The following MIA2 variants were observed in gnomAD, a reference collection of about 807,000 sequenced individuals.
MIA2 encodes the protein melanoma inhibitory activity protein 2.
In MIA2, 127 loss-of-function variants were observed where a neutral mutation model predicts 167.8. That is an observed-to-expected ratio of 0.76 (90% confidence interval 0.66 to 0.88). The LOEUF (loss-of-function observed/expected upper bound fraction) is 0.88. MIA2 is among the 40% of genes least tolerant of loss of function. The pLI, the probability that MIA2 is intolerant of heterozygous loss-of-function variation, is 0.00. For missense variants in MIA2, 1,690 were observed against 1,624.7 expected (o/e 1.04, Z -0.69); for synonymous variants, 552 against 541.9 (o/e 1.02, Z -0.26).
At chr14:39,335,420 T>G (rs926619724) in intron 25 of MIA2, among the ~76,000 whole-genome samples, 4 of 152,214 alleles carry the variant, frequency 2.6e-5, no homozygotes, top group Non-Finnish European at 5.9e-5. Context: ...TTCCATTGAC[T>G]TAAGATGAGT....
rs1467975003 is a variant in MIA2 at position 39,387,155 on chromosome 14, A to G, written c.*203A>G. The stretch of plus-strand genomic sequence containing the variant: ...TTTCAAGCCTTATTGTTTAAGGAAT[A>G]CATTTTATAAGACTATAGCTACCAT... On this transcript the variant is annotated 3_prime_UTR_variant, in exon 24 of 24. Transcript: ENST00000341502. 5.8e-6 allele frequency: 3 copies of G among 521,558 alleles called. No individual in the cohort carries two copies. The Admixed American group carries it at 1.1e-4, about 19-fold the overall frequency. The allele number at this position is 521,558 out of a possible 1,614,324, so 32.3% of individuals were successfully genotyped here. A position where few individuals can be genotyped will look rare whatever the true frequency, so the allele number is the denominator to read the frequency against.
chr14:39,252,412 C>T (rs1666195452), intron 4 of MIA2, among the ~76,000 whole-genome samples: 1 of 152,084 alleles, frequency 6.6e-6, no homozygotes, highest in African/African-American at 2.4e-5. Context: ...AGGAGGCCTC[C>T]AGAAAGCAGA....
At chr14:39,374,963 C>T (rs891437074) in intron 23 of MIA2, among the ~76,000 whole-genome samples, 1 of 152,168 alleles carries the variant, frequency 6.6e-6, no homozygotes, top group African/African-American at 2.4e-5. Flanking sequence ...TGATGATGTG[C>T]TTTAAAACTT....
chr14:39,300,749 T>C (rs1431664875), intron 14 of MIA2, among the ~76,000 whole-genome samples: 1 of 151,752 alleles, frequency 6.6e-6, no homozygotes, highest in African/African-American at 2.4e-5. Context: ...CACACCAACA[T>C]GGCACAGGTA....
intron 25 of MIA2, among the ~76,000 whole-genome samples, chr14:39,336,208 A>G (rs955491079): frequency 3.9e-5 from 6 of 152,222 alleles, no homozygotes; most frequent in African/African-American, 1.4e-4. Context: ...CTAATAATTT[A>G]CATTCCCTCC....
intron 19 of MIA2, 60 bp from the exon 20 acceptor site, chr14:39,314,679 A>T (rs1030601508): frequency 9.5e-7 from 1 of 1,053,698 alleles, no homozygotes; most frequent in Non-Finnish European, 1.3e-6. Context: ...TTTAGTAGAG[A>T]GTATGTTCTG....
chr14:39,277,711 TA>T lies in MIA2; in HGVS notation c.2019+647del, dbSNP rs1566683954. 5.5e-4 allele frequency among the ~76,000 whole-genome samples: 3 copies of T among 5,422 alleles called. 1 individual carries two copies. The highest frequency in any genetic ancestry group is 4.3e-3 in the African/African-American group (3 of 692). The allele number at this position is 5,422 out of a possible 152,430, so 3.6% of individuals were successfully genotyped here. A position where few individuals can be genotyped will look rare whatever the true frequency, so the allele number is the denominator to read the frequency against. ...ATGTGTGTATATATATATATATATA[TA>T]TATGTGTGTATATATATATATATAT... On this transcript the variant is annotated intron_variant, in intron 7 of 28. Coordinates refer to ENST00000640607, the MANE Select transcript of MIA2 (RefSeq NM_001329214.4).
At chr14:39,359,293 A>T (rs2074617487) in intron 23 of MIA2, among the ~76,000 whole-genome samples, 1 of 152,080 alleles carries the variant, frequency 6.6e-6, no homozygotes, top group Non-Finnish European at 1.5e-5. Context: ...TTGCAGTTTG[A>T]TTTCAGACTG....
At chr14:39,353,504 T>C (rs1217409560), downstream of MIA2, among the ~76,000 whole-genome samples, 4 of 152,204 alleles carry the variant, frequency 2.6e-5, no homozygotes, top group Admixed American at 2.6e-4. Flanking sequence ...TCCATCCATG[T>C]TGCTGCAAAT....
At chr14:39,312,162 T>G (rs1473960300) in intron 18 of MIA2, among the ~76,000 whole-genome samples, 1 of 152,168 alleles carries the variant, frequency 6.6e-6, no homozygotes, top group Non-Finnish European at 1.5e-5. Context: ...TCATCAGGTC[T>G]CCTTTCACAG....
intron 4 of MIA2, among the ~76,000 whole-genome samples, chr14:39,250,502 C>T (rs935854935): frequency 4.0e-5 from 6 of 151,700 alleles, no homozygotes; most frequent in African/African-American, 1.5e-4. Context: ...TTGAGACCAG[C>T]CTAGCCAACA....
chr14:39,331,462 G>T (rs1171311260), intron 25 of MIA2, among the ~76,000 whole-genome samples: 1 of 152,116 alleles, frequency 6.6e-6, no homozygotes, highest in Non-Finnish European at 1.5e-5. Flanking sequence ...TACATTTAAG[G>T]TTAATATTGT....
intron 23 of MIA2, among the ~76,000 whole-genome samples, chr14:39,383,169 T>C (rs1218530586): frequency 2.6e-5 from 4 of 152,154 alleles, no homozygotes; most frequent in Non-Finnish European, 4.4e-5. Context: ...GTTTCTTGTT[T>C]GTTTGTTTTA....
chr14:39,385,541 CCAAAT>C, intron 23 of MIA2: 2 of 831,986 alleles, frequency 2.4e-6, no homozygotes, highest in Admixed American at 1.7e-5. Context: ...TTGTGATAAA[CCAAAT>C]CAAATTTCCC....
intron 23 of MIA2, among the ~76,000 whole-genome samples, chr14:39,357,762 T>G (rs1165822783): frequency 1.3e-5 from 2 of 152,210 alleles, no homozygotes; most frequent in African/African-American, 4.8e-5. Flanking sequence ...TGACAAAATC[T>G]CTCAGCATTT....
chr14:39,380,423 T>G (rs530016743), intron 23 of MIA2, among the ~76,000 whole-genome samples: 107 of 152,198 alleles, frequency 7.0e-4, no homozygotes, highest in South Asian at 6.8e-3. Flanking sequence ...GCTGGAGTGC[T>G]GTGGCTCACA....
At chr14:39,347,577 C>T (rs12882375) in intron 26 of MIA2, 136 bp from the exon 27 acceptor site, 66,913 of 775,134 alleles carry the variant, frequency 0.086, 3,619 homozygotes, top group Non-Finnish European at 0.11. Flanking sequence ...CTTGTGGCCG[C>T]AATATAGGAT....
chr14:39,363,281 G>C (rs951825722), intron 23 of MIA2, among the ~76,000 whole-genome samples: 21 of 152,328 alleles, frequency 1.4e-4, no homozygotes, highest in African/African-American at 5.1e-4. Flanking sequence ...TGTAATCTCA[G>C]CACTTTGGGA....
intron 9 of MIA2, among the ~76,000 whole-genome samples, chr14:39,286,086 A>G (rs2059736316): frequency 1.3e-5 from 2 of 152,270 alleles, no homozygotes; most frequent in Non-Finnish European, 2.9e-5. Flanking sequence ...TGGGAGGCCA[A>G]GGCAGGTGGC....
Sources: allele counts gnomAD v4.1 joint callset (sites outside exome capture counted in the v4.1 genomes callset), GRCh38; gene constraint gnomAD v4.1.1; transcripts MANE v1.5; gene names NCBI Gene and HGNC (gene_info 2026-07-23, HGNC 2026-07-21).